The following NPAS3 variants were observed in gnomAD, a reference collection of about 807,000 sequenced individuals.
NPAS3 encodes neuronal PAS domain-containing protein 3.
NPAS3 carries 14 observed loss-of-function variants against 73.1 expected under a neutral mutation model. The observed-to-expected ratio is 0.19, with a 90% CI of 0.13 to 0.30. NPAS3 has a LOEUF of 0.30. Ranked by LOEUF, NPAS3 falls within the 10% of genes least tolerant of loss-of-function variation. The probability of loss-of-function intolerance (pLI) is 1.00; values close to 1 mark genes in which losing one functional copy is unlikely to be tolerated. For missense variants in NPAS3, 1,096 were observed against 1,250.0 expected (o/e 0.88, Z 1.86); for synonymous variants, 620 against 541.5 (o/e 1.14, Z -2.01).
At chr14:33,616,133 G>C (rs949728133) in intron 5 of NPAS3, among the ~76,000 whole-genome samples, 1 of 152,134 alleles carries the variant, frequency 6.6e-6, no homozygotes, top group Non-Finnish European at 1.5e-5. Context: ...TTTACTCCTT[G>C]ACACTTTTCT....
At chr14:33,731,412 C>A (rs2061395685) in intron 6 of NPAS3, among the ~76,000 whole-genome samples, 1 of 117,848 alleles carries the variant, frequency 8.5e-6, no homozygotes, top group African/African-American at 3.2e-5. Flanking sequence ...GAGGAAGACC[C>A]TGTCTCATTT....
At chr14:33,668,161 C>T (rs1410033618) in intron 5 of NPAS3, among the ~76,000 whole-genome samples, 1 of 152,176 alleles carries the variant, frequency 6.6e-6, no homozygotes, top group East Asian at 1.9e-4. Context: ...GGTCTACAAA[C>T]AAATTATCTT....
chr14:33,364,415 G>T (rs1594774018), intron 3 of NPAS3, among the ~76,000 whole-genome samples: 2 of 152,234 alleles, frequency 1.3e-5, no homozygotes, highest in African/African-American at 4.8e-5. Context: ...TTAAAGCTGG[G>T]CTCCTACCAG....
chr14:33,360,868 C>G (rs1047003706), intron 3 of NPAS3, among the ~76,000 whole-genome samples: 2 of 152,164 alleles, frequency 1.3e-5, no homozygotes, highest in Non-Finnish European at 2.9e-5. Context: ...GGCTGTGGAT[C>G]ACGCCTGCAT....
intron 2 of NPAS3, among the ~76,000 whole-genome samples, chr14:33,112,541 A>T (rs2042929987): frequency 6.6e-6 from 1 of 151,662 alleles, no homozygotes; most frequent in Non-Finnish European, 1.5e-5. Context: ...AATCTGTTTG[A>T]GTTCATTGTA....
intron 6 of NPAS3, among the ~76,000 whole-genome samples, chr14:33,697,537 T>C (rs1302169321): frequency 6.6e-6 from 1 of 152,182 alleles, no homozygotes; most frequent in Non-Finnish European, 1.5e-5. Context: ...GAGTTCAGTC[T>C]TTACTAACAT....
chr14:33,498,220 A>G (rs1255047415), intron 4 of NPAS3, among the ~76,000 whole-genome samples: 1 of 152,184 alleles, frequency 6.6e-6, no homozygotes, highest in East Asian at 1.9e-4. Flanking sequence ...GTGGAGAAAT[A>G]GGAATGCTTT....
chr14:33,670,977 A>G (rs1239981976), intron 5 of NPAS3, among the ~76,000 whole-genome samples: 1 of 150,260 alleles, frequency 6.7e-6, no homozygotes, highest in Non-Finnish European at 1.5e-5. Flanking sequence ...CTTAAACAGT[A>G]GGTTTTAAAT....
At chr14:33,208,082 A>T (rs1300146461) in intron 2 of NPAS3, among the ~76,000 whole-genome samples, 1 of 147,262 alleles carries the variant, frequency 6.8e-6, no homozygotes, top group Non-Finnish European at 1.5e-5. Context: ...TTGGGTGGAA[A>T]GAAATTACTT....
rs1369283435 is a variant in NPAS3, at chr14:33,440,060, T to C, written c.468+72792T>C. 2.0e-5 allele frequency among the ~76,000 whole-genome samples: 3 copies of C among 150,104 alleles called. No individual in the cohort carries two copies. The East Asian group carries it at 6.0e-4, about 30-fold the overall frequency. On this transcript the variant is annotated intron_variant, in intron 4 of 11. Transcript: ENST00000356141. ...GAACCCAGGAGGCAGAGCTTGCAGT[T>C]AGCCCAGATCGTGCCACTGCACTCC... is the stretch of plus-strand genomic sequence containing the variant.
chr14:33,409,471 A>G (rs888744392), intron 4 of NPAS3, among the ~76,000 whole-genome samples: 1 of 152,284 alleles, frequency 6.6e-6, no homozygotes, highest in African/African-American at 2.4e-5. Context: ...TGTCATTACT[A>G]TATTTTATCA....
chr14:33,301,906 T>C (rs1405393546), intron 3 of NPAS3, among the ~76,000 whole-genome samples: 2 of 152,192 alleles, frequency 1.3e-5, no homozygotes, highest in Non-Finnish European at 2.9e-5. Context: ...AATATGTTTT[T>C]CGTATAATAT....
chr14:33,606,184 T>C (rs796291398), intron 5 of NPAS3, among the ~76,000 whole-genome samples: 2 of 151,262 alleles, frequency 1.3e-5, no homozygotes, highest in South Asian at 2.1e-4. Flanking sequence ...AACTCGTCAT[T>C]TAGCATTAGG....
rs535238277 is a variant in NPAS3, at chr14:33,533,538, T to C, written c.469-26583T>C. Among the ~76,000 whole-genome samples, 21 of 152,274 alleles carry C rather than the reference T, an allele frequency of 1.4e-4. No homozygotes were observed. The South Asian group carries it at 3.7e-3, about 27-fold the overall frequency. On this transcript the variant is annotated intron_variant, in intron 4 of 11. Coordinates refer to ENST00000356141, the Ensembl canonical transcript of NPAS3. ...TTGATGAGAATGCATAGTTCTGATA[T>C]TGAAAACAATTTGGCAAAAAGAGCA...
intron 3 of NPAS3, among the ~76,000 whole-genome samples, chr14:33,216,359 T>C (rs1406495066): frequency 6.6e-6 from 1 of 152,192 alleles, no homozygotes; most frequent in South Asian, 2.1e-4. Flanking sequence ...TTGGCTATGA[T>C]AGGAAAGGGT....
At chr14:33,470,280 G>A (rs72680178) in intron 4 of NPAS3, among the ~76,000 whole-genome samples, 1,574 of 152,302 alleles carry the variant, frequency 0.01, 13 homozygotes, top group Non-Finnish European at 0.016. Context: ...CTTGATGAAG[G>A]ACTGTCAACA....
At position 33,601,268 on chromosome 14, in the gene NPAS3, G is replaced by A. The variant is rs758977845; in HGVS notation, c.558+41058G>A. Among the ~76,000 whole-genome samples the A allele has an allele frequency of 7.9e-5, 12 of 152,132 alleles. No homozygotes were observed. The South Asian group carries it at 8.3e-4, about 11-fold the overall frequency. On this transcript the variant is annotated intron_variant, in intron 5 of 11. Transcript: ENST00000356141. ...GTTGAGGGAGGATAATTATTTTCCC[G>A]CTTCAAAGTATTTTCTCACATCATT...
chr14:33,055,776 G>T (rs1429657776), intron 1 of NPAS3, 129 bp from the exon 2 acceptor site: 5 of 585,002 alleles, frequency 8.5e-6, no homozygotes, highest in Non-Finnish European at 1.5e-5. Context: ...TGTACACATT[G>T]CAATTGTGTG....
chr14:33,111,254 A>C (rs1189720082), intron 2 of NPAS3, among the ~76,000 whole-genome samples: 1 of 152,186 alleles, frequency 6.6e-6, no homozygotes, highest in Non-Finnish European at 1.5e-5. Flanking sequence ...CCTACAGCAG[A>C]GCCTAACAGG....
Sources: gnomAD v4.1 joint callset for allele counts (sites outside exome capture counted in the v4.1 genomes callset) on GRCh38, gnomAD v4.1.1 for gene constraint, MANE v1.5 for transcripts, NCBI Gene and HGNC (gene_info 2026-07-23, HGNC 2026-07-21) for gene names.